Variants in FSTL4 observed in about 807,000 individuals in gnomAD.
FSTL4 encodes the protein follistatin-related protein 4.
Under a neutral mutation model 78.2 loss-of-function variants are expected in FSTL4, and 28 were observed. The observed-to-expected ratio is 0.36, with a 90% confidence interval of 0.27 to 0.49. FSTL4 has a LOEUF of 0.49. Ranked by LOEUF, FSTL4 falls within the 20% of genes least tolerant of loss-of-function variation. The pLI is 0.98. For missense variants in FSTL4, 922 were observed against 1,084.9 expected (o/e 0.85, Z 2.11); for synonymous variants, 422 against 440.5 (o/e 0.96, Z 0.53).
chr5:133,358,193 AT>A lies in FSTL4; in HGVS notation c.410-41542del, dbSNP rs1754982527. 2.6e-5 allele frequency among the ~76,000 whole-genome samples: 4 copies of A among 152,262 alleles called. No individual in the cohort carries two copies. In the South Asian group the frequency reaches 6.2e-4, roughly 24 times the overall value. On this transcript the variant is annotated intron_variant, in intron 4 of 15. Transcript: ENST00000265342. ...TGATTACATGGAGCCCTCTCGGATA[AT>A]CCAGGATAAACTCCCCTGGGTCTAG...
chr5:133,837,023 T>C, the FSTL4 span, among the ~76,000 whole-genome samples: 10 of 152,150 alleles, frequency 6.6e-5, no homozygotes, highest in Admixed American at 2.0e-4. Context: ...CCCTTATCTT[T>C]TCAAATATGG....
the FSTL4 span, among the ~76,000 whole-genome samples, chr5:133,820,327 G>A: frequency 6.6e-6 from 1 of 152,162 alleles, no homozygotes; most frequent in Non-Finnish European, 1.5e-5. Flanking sequence ...GAACTTCAAG[G>A]CAAATTCCCA....
intron 3 of FSTL4, among the ~76,000 whole-genome samples, chr5:133,491,562 G>C (rs181782388): frequency 0.012 from 1,871 of 151,424 alleles, 35 homozygotes; most frequent in African/African-American, 0.043. Context: ...ACCACGCCTG[G>C]CTAATTTTTT....
At chr5:133,731,461 C>G in the FSTL4 span, among the ~76,000 whole-genome samples, 1 of 152,184 alleles carries the variant, frequency 6.6e-6, no homozygotes, top group African/African-American at 2.4e-5. Flanking sequence ...GGCCACACAG[C>G]AAGCTAGAAA....
intron 4 of FSTL4, among the ~76,000 whole-genome samples, chr5:133,373,486 A>G (rs1371516000): frequency 1.3e-5 from 2 of 152,250 alleles, no homozygotes; most frequent in Non-Finnish European, 2.9e-5. Context: ...ATGTAGAAGC[A>G]GAGATCCACT....
intron 3 of FSTL4, among the ~76,000 whole-genome samples, chr5:133,543,993 T>C (rs1759525395): frequency 2.0e-5 from 3 of 152,094 alleles, no homozygotes; most frequent in South Asian, 4.1e-4. Context: ...TTTATAGGTA[T>C]CTTTTTTCTT....
chr5:133,328,491 G>T (rs1042884367), intron 4 of FSTL4, among the ~76,000 whole-genome samples: 1 of 152,174 alleles, frequency 6.6e-6, no homozygotes, highest in East Asian at 1.9e-4. Flanking sequence ...CTGTCAGGTG[G>T]CCCCAGAGTG....
intron 6 of FSTL4, among the ~76,000 whole-genome samples, chr5:133,290,839 G>T (rs1435842667): frequency 6.6e-6 from 1 of 152,234 alleles, no homozygotes; most frequent in East Asian, 1.9e-4. Flanking sequence ...CTGCAATGTG[G>T]GCTGCTTCTT....
At chr5:133,582,624 G>C (rs980317075) in intron 2 of FSTL4, among the ~76,000 whole-genome samples, 2 of 152,136 alleles carry the variant, frequency 1.3e-5, no homozygotes, top group African/African-American at 4.8e-5. Context: ...GCATCTGTTG[G>C]TACAGTGTCA....
intron 3 of FSTL4, among the ~76,000 whole-genome samples, chr5:133,558,366 G>C (rs2112934999): frequency 6.6e-6 from 1 of 152,314 alleles, no homozygotes; most frequent in Admixed American, 6.5e-5. Context: ...GAGCTGAGAA[G>C]CTGGAGCCCC....
rs147221003 is a variant in FSTL4 at position 133,383,316 on chromosome 5, C to G, written c.409+17422G>C. 1.2e-4 allele frequency among the ~76,000 whole-genome samples: 18 copies of G among 152,266 alleles called. No homozygotes were observed. In the East Asian group the frequency reaches 3.1e-3, roughly 26 times the overall value. On this transcript the variant is annotated intron_variant, in intron 4 of 15. Coordinates refer to ENST00000265342, the MANE Select transcript of FSTL4 (RefSeq NM_015082.2). ...GTTCGCCTTCTCCTGCCAAAATTCT[C>G]TTGGTTCTCAGATGCGCAGCTGTGC...
At chr5:133,415,405 A>T (rs948959391) in intron 3 of FSTL4, among the ~76,000 whole-genome samples, 1 of 152,252 alleles carries the variant, frequency 6.6e-6, no homozygotes, top group African/African-American at 2.4e-5. Context: ...CAATCTTAAA[A>T]ATCAAAATAT....
At chr5:133,734,528 C>T in the FSTL4 span, among the ~76,000 whole-genome samples, 1 of 152,144 alleles carries the variant, frequency 6.6e-6, no homozygotes, top group African/African-American at 2.4e-5. Context: ...GCAAATGTGA[C>T]AAAATTTTGA....
chr5:133,230,616 C>T (rs1159056087), intron 8 of FSTL4, among the ~76,000 whole-genome samples: 1 of 152,160 alleles, frequency 6.6e-6, no homozygotes, highest in Non-Finnish European at 1.5e-5. Flanking sequence ...TCACTGGCCT[C>T]CAGCCCTTCA....
At chr5:133,322,141 T>C (rs571408392) in intron 4 of FSTL4, among the ~76,000 whole-genome samples, 23 of 151,944 alleles carry the variant, frequency 1.5e-4, no homozygotes, top group African/African-American at 4.8e-4. Flanking sequence ...ACAGCTGCGC[T>C]TTCTCATGCT....
chr5:133,819,657 G>T, the FSTL4 span, among the ~76,000 whole-genome samples: 1 of 152,136 alleles, frequency 6.6e-6, no homozygotes, highest in Admixed American at 6.5e-5. Flanking sequence ...GATGAAACCG[G>T]GCTGCCCACG....
At chr5:133,524,019 G>A (rs1231599997) in intron 3 of FSTL4, among the ~76,000 whole-genome samples, 1 of 152,224 alleles carries the variant, frequency 6.6e-6, no homozygotes, top group Non-Finnish European at 1.5e-5. Flanking sequence ...TCTCTGGGAA[G>A]TTAACATCTG....
At position 133,441,046 on chromosome 5, in the gene FSTL4, G is replaced by A. The variant is rs535366362; in HGVS notation, c.161-40060C>T. 9.8e-5 allele frequency among the ~76,000 whole-genome samples: 15 copies of A among 152,308 alleles called. No individual in the cohort carries two copies. In the South Asian group the frequency reaches 2.9e-3, roughly 30 times the overall value. ...TTCCTCTGAAATCAGACTCTGAGTA[G>A]GAATTGAATGCAAATATATTGGGAA... On this transcript the variant is annotated intron_variant, in intron 3 of 15. Transcript: ENST00000265342.
At chr5:133,714,031 G>A in the FSTL4 span, among the ~76,000 whole-genome samples, 1 of 152,146 alleles carries the variant, frequency 6.6e-6, no homozygotes, top group African/African-American at 2.4e-5. Context: ...GGAGACCCTT[G>A]CTTTTCACAG....
Sources: gnomAD v4.1 joint callset for allele counts (sites outside exome capture counted in the v4.1 genomes callset) on GRCh38, gnomAD v4.1.1 for gene constraint, MANE v1.5 for transcripts, NCBI Gene and HGNC (gene_info 2026-07-23, HGNC 2026-07-21) for gene names.